The following KCNT2 variants were observed in gnomAD, a reference collection of about 807,000 sequenced individuals.
The protein encoded by KCNT2 is potassium sodium-activated channel subfamily T member 2.
KCNT2 carries 67 observed loss-of-function variants against 153.8 expected under a neutral mutation model. The observed-to-expected ratio is 0.44, with a 90% CI of 0.36 to 0.53. KCNT2 has a LOEUF of 0.53. KCNT2 is among the 20% of genes least tolerant of loss of function. The pLI, the probability that KCNT2 is intolerant of heterozygous loss-of-function variation, is 0.00. For synonymous variants in KCNT2, 500 were observed against 458.8 expected, an observed-to-expected ratio of 1.09 and a Z score of -1.15; for missense variants, 975 against 1,354.8, an observed-to-expected ratio of 0.72 and a Z score of 4.40.
chr1:196,236,175 TG>T (rs992120677), intron 26 of KCNT2, 105 bp from the exon 27 acceptor site: 62 of 701,718 alleles, frequency 8.8e-5, no homozygotes, highest in Non-Finnish European at 1.5e-4. Flanking sequence ...AACAAGAACT[TG>T]GTATAGTTTT....
chr1:196,471,872 A>G (rs1678135726), intron 5 of KCNT2, among the ~76,000 whole-genome samples: 2 of 152,226 alleles, frequency 1.3e-5, no homozygotes, highest in Non-Finnish European at 2.9e-5. Flanking sequence ...CCCATTGCCA[A>G]CATAATAAAA....
chr1:196,475,366 G>A (rs1572577746), intron 5 of KCNT2, among the ~76,000 whole-genome samples: 1 of 152,114 alleles, frequency 6.6e-6, no homozygotes, highest in Admixed American at 6.5e-5. Context: ...TATAATCCCA[G>A]CACTTCGGGA....
chr1:196,420,643 T>C (rs542844431), intron 12 of KCNT2, among the ~76,000 whole-genome samples: 6 of 152,094 alleles, frequency 3.9e-5, no homozygotes, highest in East Asian at 3.9e-4. Context: ...AATGATATAA[T>C]GCATTTTATC....
intron 14 of KCNT2, among the ~76,000 whole-genome samples, chr1:196,347,651 A>T (rs1666255052): frequency 1.3e-5 from 2 of 152,186 alleles, no homozygotes; most frequent in African/African-American, 4.8e-5. Flanking sequence ...TAAACTTTGA[A>T]AAATTGTCAT....
At chr1:196,230,612 G>A (rs894217197) in intron 27 of KCNT2, among the ~76,000 whole-genome samples, 2 of 151,944 alleles carry the variant, frequency 1.3e-5, no homozygotes, top group East Asian at 1.9e-4. Context: ...AACCCTTATC[G>A]ATGACTTTGA....
chr1:196,435,842 TC>T (rs1162538790), intron 8 of KCNT2, among the ~76,000 whole-genome samples: 4 of 151,692 alleles, frequency 2.6e-5, no homozygotes, highest in African/African-American at 9.7e-5. Flanking sequence ...TACAACTACT[TC>T]CCTTTTTATT....
chr1:196,267,771 A>G (rs1033340819), intron 25 of KCNT2, among the ~76,000 whole-genome samples: 1 of 152,162 alleles, frequency 6.6e-6, no homozygotes. Flanking sequence ...GCCTTTGGTT[A>G]TGAAAGCATC....
chr1:196,555,199 A>C (rs549299350), intron 1 of KCNT2, among the ~76,000 whole-genome samples: 4 of 151,458 alleles, frequency 2.6e-5, no homozygotes, highest in East Asian at 1.9e-4. Context: ...AAATCACATT[A>C]TCCTTATTTG....
chr1:196,369,733 C>T (rs1308537950), intron 14 of KCNT2, among the ~76,000 whole-genome samples: 1 of 152,034 alleles, frequency 6.6e-6, no homozygotes, highest in African/African-American at 2.4e-5. Flanking sequence ...CATTGTTGGA[C>T]ATTTGGGTTG....
chr1:196,345,707 G>A (rs1349409879), intron 14 of KCNT2, among the ~76,000 whole-genome samples: 1 of 152,146 alleles, frequency 6.6e-6, no homozygotes, highest in Non-Finnish European at 1.5e-5. Context: ...GATGATAATG[G>A]TTTGGATCAT....
chr1:196,526,015 CTGTGTGTGTGTGTGTGTGTG>C (rs369541629), intron 1 of KCNT2, among the ~76,000 whole-genome samples: 1 of 140,066 alleles, frequency 7.1e-6, no homozygotes, highest in African/African-American at 2.6e-5. Context: ...AGAACTGACT[CTGTGTGTGTGTGTGTGTGTG>C]TGTGTGTGTG....
At chr1:196,319,859 A>T (rs996908468) in intron 19 of KCNT2, among the ~76,000 whole-genome samples, 3 of 151,804 alleles carry the variant, frequency 2.0e-5, no homozygotes, top group African/African-American at 7.2e-5. Flanking sequence ...GAAATCTTAT[A>T]AATAAATTTA....
At chr1:196,345,325 C>G (rs924608730) in intron 14 of KCNT2, among the ~76,000 whole-genome samples, 3 of 152,064 alleles carry the variant, frequency 2.0e-5, no homozygotes, top group African/African-American at 7.2e-5. Flanking sequence ...GAGTAAAAAT[C>G]TTGAAGAAGG....
At chr1:196,331,757 T>C (rs1664486836) in intron 17 of KCNT2, among the ~76,000 whole-genome samples, 1 of 152,102 alleles carries the variant, frequency 6.6e-6, no homozygotes, top group African/African-American at 2.4e-5. Context: ...GTAATGGTAA[T>C]TTTTACAAAA....
intron 18 of KCNT2, among the ~76,000 whole-genome samples, chr1:196,329,847 A>G (rs1416428440): frequency 7.1e-6 from 1 of 141,418 alleles, no homozygotes; most frequent in Non-Finnish European, 1.5e-5. Flanking sequence ...ATTTATGTAC[A>G]TATATGTATA....
intron 25 of KCNT2, among the ~76,000 whole-genome samples, chr1:196,267,783 C>T (rs1657688693): frequency 6.6e-6 from 1 of 152,128 alleles, no homozygotes; most frequent in South Asian, 2.1e-4. Flanking sequence ...GAAAGCATCA[C>T]CCTGCAAGTC....
intron 14 of KCNT2, among the ~76,000 whole-genome samples, chr1:196,344,971 C>T (rs902778489): frequency 1.3e-5 from 2 of 151,910 alleles, no homozygotes; most frequent in African/African-American, 2.4e-5. Flanking sequence ...TTATTTTCAT[C>T]GCATGTTATT....
intron 14 of KCNT2, among the ~76,000 whole-genome samples, chr1:196,364,705 T>A (rs1667896493): frequency 6.6e-6 from 1 of 152,106 alleles, no homozygotes; most frequent in Non-Finnish European, 1.5e-5. Flanking sequence ...ATTCTGTTTT[T>A]CTTTTCTATT....
rs11806504 is a variant in KCNT2 at position 196,451,219 on chromosome 1, T to A, written c.638+14074A>T. On this transcript the variant is annotated intron_variant, in intron 8 of 27. Transcript: ENST00000294725. ...TATATCCCTCTTAATCCCTCTTTCTTTTTTTTTTTTTTTTTTTTTTTTTTC... is the reference window on the plus strand; with the variant it reads ...TATATCCCTCTTAATCCCTCTTTCTATTTTTTTTTTTTTTTTTTTTTTTTC... Among the ~76,000 whole-genome samples the A allele has an allele frequency of 5.3e-3, 523 of 97,818 alleles. 4 individuals are homozygous for A. The highest frequency in any genetic ancestry group is 0.034 in the African/African-American group (497 of 14,486). 64.2% of individuals were successfully genotyped at this position (97,818 alleles called of 152,430 possible). A position where few individuals can be genotyped will look rare whatever the true frequency, so the allele number is the denominator to read the frequency against.
Sources: gnomAD v4.1 joint callset for allele counts (sites outside exome capture counted in the v4.1 genomes callset) on GRCh38, gnomAD v4.1.1 for gene constraint, MANE v1.5 for transcripts, NCBI Gene and HGNC (gene_info 2026-07-23, HGNC 2026-07-21) for gene names.